LYPD6B: variants seen among roughly 807,000 people sequenced by gnomAD.
The protein encoded by LYPD6B is ly6/PLAUR domain-containing protein 6B.
A neutral mutation model predicts 22.8 loss-of-function variants in LYPD6B; 17 were observed. The ratio of observed to expected loss-of-function variants is 0.75; its 90% CI spans 0.51 to 1.12. The LOEUF (loss-of-function observed/expected upper bound fraction) is 1.12, where lower values mean the gene tolerates loss of function less well. Among genes scored for constraint, LYPD6B ranks in the 50% most tolerant of loss-of-function variants. The pLI, the probability that LYPD6B is intolerant of heterozygous loss-of-function variation, is 0.00. For synonymous variants in LYPD6B, 106 were observed against 91.6 expected (o/e 1.16, Z -0.90); for missense variants, 221 against 258.3 (o/e 0.86, Z 0.99).
chr2:149,167,431 G>T (rs760898477), intron 3 of LYPD6B, among the ~76,000 whole-genome samples: 12 of 152,164 alleles, frequency 7.9e-5, no homozygotes, highest in Admixed American at 4.6e-4. Flanking sequence ...TGCTTTTTAG[G>T]AGGTTTGGTT....
chr2:149,130,289 G>A (rs1687945538), intron 1 of LYPD6B, among the ~76,000 whole-genome samples: 1 of 152,274 alleles, frequency 6.6e-6, no homozygotes, highest in South Asian at 2.1e-4. Context: ...AGGGGAAAAA[G>A]CTCTTTAAAT....
At chr2:149,115,999 ATTGCAGTGCTTGTGTTCAAG>A (rs1426967847) in intron 1 of LYPD6B, among the ~76,000 whole-genome samples, 7 of 152,194 alleles carry the variant, frequency 4.6e-5, no homozygotes, top group African/African-American at 1.7e-4. Context: ...CTGAGACCGT[ATTGCAGTGCTTGTGTTCAAG>A]TTAACAGTAG....
At chr2:149,090,009 G>A (rs1468339094) in intron 1 of LYPD6B, among the ~76,000 whole-genome samples, 1 of 152,134 alleles carries the variant, frequency 6.6e-6, no homozygotes, top group African/African-American at 2.4e-5. Flanking sequence ...ATCTAAGAGT[G>A]TGTGATGGGG....
intron 1 of LYPD6B, among the ~76,000 whole-genome samples, chr2:149,102,879 G>A (rs779891286): frequency 7.2e-5 from 11 of 152,056 alleles, no homozygotes; most frequent in African/African-American, 1.2e-4. Flanking sequence ...TTATCCACCC[G>A]CCTTGGCCTC....
chr2:149,111,353 G>A (rs1686750766), intron 1 of LYPD6B, among the ~76,000 whole-genome samples: 1 of 152,156 alleles, frequency 6.6e-6, no homozygotes, highest in African/African-American at 2.4e-5. Context: ...CAAGTTGGAA[G>A]TTACTATAGT....
intron 2 of LYPD6B, chr2:149,131,281 G>T: frequency 3.9e-6 from 1 of 255,732 alleles, no homozygotes. Context: ...CCTTAAGGTT[G>T]CCAGCATGAA....
chr2:149,068,020 C>T (rs1481604469), intron 1 of LYPD6B, among the ~76,000 whole-genome samples: 1 of 152,178 alleles, frequency 6.6e-6, no homozygotes, highest in East Asian at 1.9e-4. Flanking sequence ...GGGAACACCT[C>T]ACCACTGTGA....
chr2:149,188,583 C>T, intron 3 of LYPD6B: 1 of 349,972 alleles, frequency 2.9e-6, no homozygotes, highest in Non-Finnish European at 4.0e-6. Flanking sequence ...CTCCTAGCTA[C>T]AGGATTATGT....
chr2:149,177,122 G>A lies in LYPD6B; in HGVS notation c.77+16287G>A, dbSNP rs955901956. On this transcript the variant is annotated intron_variant, in intron 3 of 6. Transcript: ENST00000409642. ...ACTGAGGAACCAAATGCGCAGTCTG[G>A]GTTTTTAGATTGCAGGTGGAATTGG... 3.9e-5 allele frequency among the ~76,000 whole-genome samples: 6 copies of A among 152,302 alleles called. No individual in the cohort carries two copies. In the East Asian group the frequency reaches 1.2e-3, roughly 29 times the overall value.
chr2:149,151,228 G>A (rs957794537), intron 2 of LYPD6B, among the ~76,000 whole-genome samples: 2 of 152,060 alleles, frequency 1.3e-5, no homozygotes, highest in African/African-American at 2.4e-5. Flanking sequence ...GTCCTCTGGG[G>A]CACTGTAGTT....
At chr2:149,072,807 G>C (rs1382853738) in intron 1 of LYPD6B, among the ~76,000 whole-genome samples, 1 of 152,162 alleles carries the variant, frequency 6.6e-6, no homozygotes, top group East Asian at 1.9e-4. Context: ...AAAGGGCTAG[G>C]ATTACAGGTT....
In LYPD6B at chr2:149,173,349, C is replaced by CTTTTTTTTT. The variant is rs67113716; in HGVS notation, c.77+12526_77+12534dup. Among the ~76,000 whole-genome samples the CTTTTTTTTT allele has an allele frequency of 5.6e-4, 33 of 58,476 alleles. 3 individuals carry two copies. Among genetic ancestry groups the CTTTTTTTTT allele is most frequent in the African/African-American group, 7.9e-4 (10 of 12,680 alleles). 38.4% of individuals were successfully genotyped at this position (58,476 alleles called of 152,430 possible). On this transcript the variant is annotated intron_variant, in intron 3 of 6. Transcript: ENST00000409642. ...AGCTTGATGCTTTAGTCTGTCAGGCCTTTTTTTTTTTTTTTTTTTTGCATC... is the reference window on the plus strand; with the variant it reads ...AGCTTGATGCTTTAGTCTGTCAGGCCTTTTTTTTTTTTTTTTTTTTTTTTTTTTTGCATC...
chr2:149,211,734 T>C (rs1015893836), intron 5 of LYPD6B, among the ~76,000 whole-genome samples: 1 of 152,138 alleles, frequency 6.6e-6, no homozygotes, highest in East Asian at 1.9e-4. Flanking sequence ...TTAGTCCAAT[T>C]TTTTTCCCAT....
In LYPD6B at chr2:149,143,439, A is replaced by C. The variant is rs1002328746; in HGVS notation, c.5+12486A>C. Among the ~76,000 whole-genome samples the C allele has an allele frequency of 2.4e-4, 37 of 151,924 alleles. 1 individual carries two copies. The stretch of plus-strand genomic sequence containing the variant: ...TGCTGAGGATGTGAGAGAAAACTAC[A>C]AGACTACGCCATGTTTTTACTATAC... On this transcript the variant is annotated intron_variant, in intron 2 of 6. Transcript: ENST00000409642.
At chr2:149,120,349 A>ATGTG (rs1191177878) in intron 1 of LYPD6B, among the ~76,000 whole-genome samples, 80 of 99,640 alleles carry the variant, frequency 8.0e-4, no homozygotes, top group African/African-American at 3.6e-3. Flanking sequence ...GTATATATAT[A>ATGTG]TGTGTGTGTG....
chr2:149,097,729 A>G (rs900193810), intron 1 of LYPD6B, among the ~76,000 whole-genome samples: 6 of 152,340 alleles, frequency 3.9e-5, no homozygotes, highest in African/African-American at 1.4e-4. Context: ...ATATTATCAG[A>G]GATTTATACG....
intron 1 of LYPD6B, among the ~76,000 whole-genome samples, chr2:149,069,649 TA>T (rs77748413): frequency 6.6e-6 from 1 of 151,762 alleles, no homozygotes; most frequent in African/African-American, 2.4e-5. Context: ...ATTGCCACAT[TA>T]AAAAAAAGTC....
intron 1 of LYPD6B, among the ~76,000 whole-genome samples, chr2:149,049,423 A>G (rs1683452261): frequency 6.6e-6 from 1 of 152,226 alleles, no homozygotes; most frequent in Non-Finnish European, 1.5e-5. Context: ...TCTTACAATA[A>G]GTCTTGTACC....
At chr2:149,156,124 G>A (rs200049936) in intron 2 of LYPD6B, among the ~76,000 whole-genome samples, 8 of 152,164 alleles carry the variant, frequency 5.3e-5, no homozygotes, top group African/African-American at 1.4e-4. Flanking sequence ...CAAAGATGCT[G>A]TTTGCAGTGG....
Sources: gnomAD v4.1 joint callset for allele counts (sites outside exome capture counted in the v4.1 genomes callset) on GRCh38, gnomAD v4.1.1 for gene constraint, MANE v1.5 for transcripts, NCBI Gene and HGNC (gene_info 2026-07-23, HGNC 2026-07-21) for gene names.